ERC1: variants seen among roughly 807,000 people sequenced by gnomAD.
The protein encoded by ERC1 is ELKS/RAB6-interacting/CAST family member 1.
A neutral mutation model predicts 132.0 loss-of-function variants in ERC1; 56 were observed. That is an observed-to-expected ratio of 0.42 (90% CI 0.34 to 0.53). The LOEUF is 0.53. Among genes scored for constraint, ERC1 ranks in the 20% least tolerant of loss-of-function variants. The probability of loss-of-function intolerance (pLI) is 0.03; values close to 1 mark genes in which losing one functional copy is unlikely to be tolerated. For synonymous variants in ERC1, 478 were observed against 476.1 expected (o/e 1.00, Z -0.05); for missense variants, 1,202 against 1,349.9 (o/e 0.89, Z 1.72).
chr12:1,477,941 C>T (rs1363806551), intron 18 of ERC1, among the ~76,000 whole-genome samples: 1 of 152,230 alleles, frequency 6.6e-6, no homozygotes, highest in Admixed American at 6.5e-5. Context: ...CATTCATTCT[C>T]ATTGCTCTAT....
intron 15 of ERC1, among the ~76,000 whole-genome samples, chr12:1,295,207 T>C (rs968853901): frequency 6.6e-6 from 1 of 152,230 alleles, no homozygotes; most frequent in African/African-American, 2.4e-5. Context: ...TGTTCGTACC[T>C]GGAGAAATCA....
At chr12:1,033,639 T>C (rs1968506236) in intron 2 of ERC1, among the ~76,000 whole-genome samples, 1 of 147,872 alleles carries the variant, frequency 6.8e-6, no homozygotes. Context: ...AATTTTTGTA[T>C]TTTTTTTTTT....
intron 17 of ERC1, among the ~76,000 whole-genome samples, chr12:1,441,063 A>ATT (rs144536959): frequency 1.1e-4 from 16 of 145,596 alleles, no homozygotes; most frequent in Non-Finnish European, 4.6e-5. Flanking sequence ...CTGTTTGAAA[A>ATT]TTTTTTTTTT....
chr12:1,107,339 G>T (rs1339703061), intron 4 of ERC1, among the ~76,000 whole-genome samples: 1 of 152,132 alleles, frequency 6.6e-6, no homozygotes, highest in Non-Finnish European at 1.5e-5. Flanking sequence ...ATGAATTGAG[G>T]GTGATGATGA....
intron 8 of ERC1, among the ~76,000 whole-genome samples, chr12:1,150,749 C>T (rs916673640): frequency 6.6e-6 from 1 of 152,108 alleles, no homozygotes; most frequent in African/African-American, 2.4e-5. Context: ...AGAAACATTC[C>T]ACCAAACAAC....
At chr12:1,345,986 C>T (rs1317919453) in intron 15 of ERC1, among the ~76,000 whole-genome samples, 1 of 152,028 alleles carries the variant, frequency 6.6e-6, no homozygotes, top group African/African-American at 2.4e-5. Flanking sequence ...ATGAATGTTC[C>T]CGGATGCTCT....
intron 1 of ERC1, among the ~76,000 whole-genome samples, chr12:1,027,264 TTC>T (rs1967049862): frequency 6.6e-6 from 1 of 152,224 alleles, no homozygotes; most frequent in African/African-American, 2.4e-5. Context: ...GTTTGTTGAG[TTC>T]TGTTATTCTA....
chr12:1,172,554 T>C (rs978014678), intron 8 of ERC1, among the ~76,000 whole-genome samples: 6 of 152,218 alleles, frequency 3.9e-5, no homozygotes, highest in Admixed American at 2.0e-4. Flanking sequence ...TATATAAACC[T>C]GTTGGGTATC....
At chr12:1,129,102 A>G (rs1206484920) in intron 7 of ERC1, among the ~76,000 whole-genome samples, 4 of 152,226 alleles carry the variant, frequency 2.6e-5, no homozygotes, top group Non-Finnish European at 5.9e-5. Context: ...GGATTCTTCA[A>G]TTCAGGAACA....
intron 1 of ERC1, among the ~76,000 whole-genome samples, chr12:1,025,979 T>C (rs186712966): frequency 8.3e-4 from 126 of 152,040 alleles, no homozygotes; most frequent in African/African-American, 2.9e-3. Context: ...GTACTTTTAG[T>C]GAGATTGGGT....
At chr12:1,045,197 A>G (rs894838224) in intron 2 of ERC1, among the ~76,000 whole-genome samples, 6 of 152,124 alleles carry the variant, frequency 3.9e-5, no homozygotes, top group Non-Finnish European at 2.9e-5. Context: ...AAATTCTTAC[A>G]TGATAAGTGT....
intron 15 of ERC1, among the ~76,000 whole-genome samples, chr12:1,371,253 T>C (rs1591589829): frequency 2.2e-5 from 1 of 44,548 alleles, no homozygotes; most frequent in Non-Finnish European, 4.3e-5. Context: ...TGAGTTTGAC[T>C]GTTTTAGATC....
intron 12 of ERC1, among the ~76,000 whole-genome samples, chr12:1,212,712 C>T (rs4766237): frequency 0.044 from 6,742 of 152,182 alleles, 193 homozygotes; most frequent in Non-Finnish European, 0.063. Flanking sequence ...GAGTGCTTCC[C>T]GCCTTGCAGA....
At chr12:1,442,030 C>T (rs530041200) in intron 17 of ERC1, among the ~76,000 whole-genome samples, 22 of 152,208 alleles carry the variant, frequency 1.4e-4, no homozygotes, top group Non-Finnish European at 2.5e-4. Flanking sequence ...CGGGTTCAAG[C>T]GATTCTCCGG....
chr12:1,152,007 T>TG (rs1277821736), intron 8 of ERC1: 1 of 152,184 alleles, frequency 6.6e-6, no homozygotes, highest in Non-Finnish European at 1.5e-5. Context: ...GAGACCAGCG[T>TG]GGCCAACATG....
chr12:1,310,138 G>A (rs1257025460), intron 15 of ERC1, among the ~76,000 whole-genome samples: 2 of 150,486 alleles, frequency 1.3e-5, no homozygotes, highest in Admixed American at 1.3e-4. Context: ...TAATAGAGAA[G>A]GGGTTTCACC....
intron 7 of ERC1, among the ~76,000 whole-genome samples, chr12:1,138,741 G>A (rs1477397442): frequency 6.6e-6 from 1 of 152,162 alleles, no homozygotes; most frequent in East Asian, 1.9e-4. Context: ...ACTGGAAGTG[G>A]GGCAAGGAGG....
At chr12:1,372,527 A>C (rs2087365685) in intron 16 of ERC1, among the ~76,000 whole-genome samples, 1 of 152,240 alleles carries the variant, frequency 6.6e-6, no homozygotes, top group Non-Finnish European at 1.5e-5. Context: ...GAATGTACCT[A>C]ATACACAAAA....
At chr12:1,141,935 A>C (rs1949898341) in intron 8 of ERC1, 148 bp downstream of exon 8, 1 of 581,008 alleles carries the variant, frequency 1.7e-6, no homozygotes, top group South Asian at 3.9e-5. Flanking sequence ...TTGTTGCGGT[A>C]GGTAGATTGT....
Sources: gnomAD v4.1 joint callset for allele counts (sites outside exome capture counted in the v4.1 genomes callset) on GRCh38, gnomAD v4.1.1 for gene constraint, MANE v1.5 for transcripts, NCBI Gene and HGNC (gene_info 2026-07-23, HGNC 2026-07-21) for gene names.